The following PTPRD variants were observed in gnomAD, a reference collection of about 807,000 sequenced individuals.
PTPRD encodes the protein receptor-type tyrosine-protein phosphatase delta.
Under a neutral mutation model 214.5 loss-of-function variants are expected in PTPRD, and 34 were observed. The ratio of observed to expected loss-of-function variants is 0.16; its 90% CI spans 0.12 to 0.21. The LOEUF (loss-of-function observed/expected upper bound fraction) is 0.21, where lower values mean the gene tolerates loss of function less well. Among genes scored for constraint, PTPRD ranks in the 10% least tolerant of loss-of-function variants. The pLI is 1.00. For missense variants in PTPRD, 2,545 were observed against 2,398.7 expected (o/e 1.06, Z -1.27); for synonymous variants, 1,128 against 845.7 (o/e 1.33, Z -5.79).
chr9:8,747,785 C>A (rs2093000136), intron 11 of PTPRD, among the ~76,000 whole-genome samples: 1 of 152,046 alleles, frequency 6.6e-6, no homozygotes, highest in Non-Finnish European at 1.5e-5. Context: ...TTGATAGCAC[C>A]CATCAGATGG....
chr9:9,996,926 A>T (rs1006264261), intron 4 of PTPRD, among the ~76,000 whole-genome samples: 20 of 152,256 alleles, frequency 1.3e-4, no homozygotes, highest in Non-Finnish European at 2.8e-4. Context: ...TATCAAAAAC[A>T]TACATTTGGA....
chr9:8,504,537 A>T (rs1011973980), intron 22 of PTPRD, 132 bp from the exon 23 acceptor site: 51 of 1,038,586 alleles, frequency 4.9e-5, no homozygotes, highest in Non-Finnish European at 7.3e-5. Context: ...AAGAGTCAAT[A>T]GTGAGTATCC....
intron 8 of PTPRD, among the ~76,000 whole-genome samples, chr9:9,476,245 A>T (rs184227921): frequency 3.9e-4 from 60 of 152,196 alleles, no homozygotes; most frequent in Admixed American, 3.3e-3. Flanking sequence ...TGCCATATAT[A>T]TTTTTTACTG....
At chr9:8,868,714 C>T (rs773829077) in intron 11 of PTPRD, among the ~76,000 whole-genome samples, 45 of 152,024 alleles carry the variant, frequency 3.0e-4, no homozygotes, top group Non-Finnish European at 5.1e-4. Context: ...TGGCTGAATT[C>T]CATTTTTAAG....
At chr9:9,083,860 C>G (rs1436445767) in intron 10 of PTPRD, among the ~76,000 whole-genome samples, 1 of 152,210 alleles carries the variant, frequency 6.6e-6, no homozygotes, top group African/African-American at 2.4e-5. Context: ...AAGACACCAT[C>G]TCACACCAGT....
intron 5 of PTPRD, among the ~76,000 whole-genome samples, chr9:9,782,106 G>C (rs971356791): frequency 6.6e-6 from 1 of 151,774 alleles, no homozygotes; most frequent in Admixed American, 6.6e-5. Context: ...ACTCAATTTT[G>C]ATACCTTTCT....
intron 11 of PTPRD, among the ~76,000 whole-genome samples, chr9:8,802,154 T>C (rs1305844653): frequency 3.9e-5 from 6 of 152,138 alleles, no homozygotes. Flanking sequence ...CATCCCCCCA[T>C]AGTCACAGAT....
intron 11 of PTPRD, among the ~76,000 whole-genome samples, chr9:8,883,233 A>T (rs1009455759): frequency 3.9e-5 from 6 of 152,258 alleles, no homozygotes; most frequent in African/African-American, 1.4e-4. Flanking sequence ...TGGTGGTTAA[A>T]TAATGTTAAC....
intron 10 of PTPRD, among the ~76,000 whole-genome samples, chr9:9,041,894 T>G (rs2099640988): frequency 6.6e-6 from 1 of 152,206 alleles, no homozygotes; most frequent in Admixed American, 6.5e-5. Context: ...TCCCTTAGAA[T>G]TATTTGAACA....
chr9:9,730,655 C>T (rs1227169853), intron 7 of PTPRD, among the ~76,000 whole-genome samples: 1 of 152,152 alleles, frequency 6.6e-6, no homozygotes, highest in East Asian at 1.9e-4. Flanking sequence ...TAAAAACTTA[C>T]TAGGATAATA....
chr9:9,170,764 A>G (rs1169016692), intron 10 of PTPRD, among the ~76,000 whole-genome samples: 6 of 152,222 alleles, frequency 3.9e-5, no homozygotes, highest in African/African-American at 1.4e-4. Flanking sequence ...CAACCTAGAG[A>G]AACAAGTAGG....
chr9:9,493,721 G>C (rs944557190), intron 8 of PTPRD, among the ~76,000 whole-genome samples: 11 of 141,644 alleles, frequency 7.8e-5, no homozygotes, highest in African/African-American at 2.4e-4. Context: ...CCAGGAGGCA[G>C]AGCTTGCAGT....
intron 3 of PTPRD, among the ~76,000 whole-genome samples, chr9:10,200,109 A>T (rs913743800): frequency 3.3e-5 from 5 of 152,028 alleles, no homozygotes; most frequent in Admixed American, 2.6e-4. Flanking sequence ...GACGTGCAAT[A>T]TGTACTTCTG....
chr9:9,925,244 A>G (rs1159467242), intron 5 of PTPRD, among the ~76,000 whole-genome samples: 1 of 152,116 alleles, frequency 6.6e-6, no homozygotes, highest in Non-Finnish European at 1.5e-5. Flanking sequence ...CTAAAATGTG[A>G]GAAAGTTCTT....
chr9:9,061,181 C>T (rs1465845358), intron 10 of PTPRD, among the ~76,000 whole-genome samples: 4 of 152,074 alleles, frequency 2.6e-5, no homozygotes, highest in Non-Finnish European at 4.4e-5. Context: ...CTGGGCTATT[C>T]ATTTTGGAAA....
chr9:9,374,222 G>A (rs141107493), intron 9 of PTPRD, among the ~76,000 whole-genome samples: 1 of 152,054 alleles, frequency 6.6e-6, no homozygotes, highest in Admixed American at 6.6e-5. Flanking sequence ...ATTCTAGATA[G>A]CTGCCAAGGG....
At chr9:10,027,250 T>C (rs937546045) in intron 4 of PTPRD, among the ~76,000 whole-genome samples, 19 of 152,150 alleles carry the variant, frequency 1.2e-4, no homozygotes, top group Admixed American at 4.6e-4. Flanking sequence ...GTAATTAAAA[T>C]ATATGTTTAG....
At chr9:9,457,861 G>A (rs568971838) in intron 8 of PTPRD, among the ~76,000 whole-genome samples, 4 of 152,000 alleles carry the variant, frequency 2.6e-5, no homozygotes, top group African/African-American at 9.7e-5. Context: ...AAAGGGCATA[G>A]AGCAGTCCAC....
At chr9:9,828,809 T>C (rs1031091791) in intron 5 of PTPRD, among the ~76,000 whole-genome samples, 17 of 151,876 alleles carry the variant, frequency 1.1e-4, no homozygotes, top group Non-Finnish European at 1.9e-4. Flanking sequence ...CATCTAGTTA[T>C]TGGTAATTAA....
Sources: gnomAD v4.1 joint callset for allele counts (sites outside exome capture counted in the v4.1 genomes callset) on GRCh38, gnomAD v4.1.1 for gene constraint, MANE v1.5 for transcripts, NCBI Gene and HGNC (gene_info 2026-07-23, HGNC 2026-07-21) for gene names.